Variants in NBAS observed in about 807,000 individuals in gnomAD.
The protein encoded by NBAS is NBAS subunit of NRZ tethering complex.
A neutral mutation model predicts 302.5 loss-of-function variants in NBAS; 219 were observed. The ratio of observed to expected loss-of-function variants is 0.72; its 90% CI spans 0.65 to 0.81. NBAS has a LOEUF of 0.81. Ranked by LOEUF, NBAS falls within the 30% of genes least tolerant of loss-of-function variation. The pLI is 0.00. For missense variants in NBAS, 2,932 were observed against 2,841.6 expected, an observed-to-expected ratio of 1.03 and a Z score of -0.72; for synonymous variants, 1,118 against 1,021.6, an observed-to-expected ratio of 1.09 and a Z score of -1.80.
chr2:15,030,900 A>G, the NBAS span, among the ~76,000 whole-genome samples: 1 of 152,180 alleles, frequency 6.6e-6, no homozygotes, highest in Admixed American at 6.5e-5. Flanking sequence ...CCTCTCATTG[A>G]GAACCACTGC....
the NBAS span, among the ~76,000 whole-genome samples, chr2:15,054,151 C>G: frequency 6.6e-6 from 1 of 152,184 alleles, no homozygotes; most frequent in Non-Finnish European, 1.5e-5. Context: ...GCGACAGCCA[C>G]TCTGTGCTAA....
chr2:14,967,675 CA>C, the NBAS span, among the ~76,000 whole-genome samples: 4 of 152,062 alleles, frequency 2.6e-5, no homozygotes, highest in African/African-American at 9.7e-5. Context: ...GCTACAATAT[CA>C]AAAGCACAAA....
chr2:15,253,527 G>T (rs1668452873), intron 44 of NBAS, among the ~76,000 whole-genome samples: 1 of 152,166 alleles, frequency 6.6e-6, no homozygotes, highest in Non-Finnish European at 1.5e-5. Context: ...TGTGCCACTA[G>T]CACACAAAGC....
chr2:14,925,024 T>A, the NBAS span, among the ~76,000 whole-genome samples: 4 of 152,180 alleles, frequency 2.6e-5, no homozygotes, highest in Admixed American at 2.6e-4. Context: ...GTGACTCAAA[T>A]AAGGTAAGCG....
At chr2:15,296,720 T>G (rs1248942833) in intron 40 of NBAS, among the ~76,000 whole-genome samples, 2 of 152,060 alleles carry the variant, frequency 1.3e-5, no homozygotes, top group African/African-American at 4.8e-5. Context: ...ATGCCTGTAG[T>G]CCTACCTACT....
At chr2:14,870,406 GC>G in the NBAS span, among the ~76,000 whole-genome samples, 1 of 152,332 alleles carries the variant, frequency 6.6e-6, no homozygotes, top group South Asian at 2.1e-4. Context: ...AAAGGAACAT[GC>G]TGAATGATCA....
chr2:15,522,317 T>A (rs1296281179), intron 9 of NBAS, among the ~76,000 whole-genome samples: 1 of 152,140 alleles, frequency 6.6e-6, no homozygotes, highest in Non-Finnish European at 1.5e-5. Context: ...TCAATAAGGC[T>A]TGAAGATCAT....
chr2:15,127,438 G>A, the NBAS span, among the ~76,000 whole-genome samples: 1 of 152,148 alleles, frequency 6.6e-6, no homozygotes, highest in Non-Finnish European at 1.5e-5. Context: ...TAATCTTCTG[G>A]CTTCTTCCCT....
chr2:15,095,188 A>G, the NBAS span, among the ~76,000 whole-genome samples: 1 of 152,114 alleles, frequency 6.6e-6, no homozygotes, highest in African/African-American at 2.4e-5. Flanking sequence ...TTTTTCTCAT[A>G]TAACAGCCCT....
intron 38 of NBAS, among the ~76,000 whole-genome samples, chr2:15,315,939 TC>T (rs1671487899): frequency 2.0e-5 from 3 of 151,948 alleles, no homozygotes; most frequent in South Asian, 2.1e-4. Context: ...AAAGTAGAAA[TC>T]AAAACCCACA....
At chr2:15,002,608 G>A in the NBAS span, among the ~76,000 whole-genome samples, 1 of 152,238 alleles carries the variant, frequency 6.6e-6, no homozygotes, top group African/African-American at 2.4e-5. Flanking sequence ...GGGGAGGCTC[G>A]GGCCGCACAG....
chr2:15,505,046 C>A (rs1157859008), intron 10 of NBAS, among the ~76,000 whole-genome samples: 2 of 152,130 alleles, frequency 1.3e-5, no homozygotes, highest in Admixed American at 1.3e-4. Flanking sequence ...TACACAAAAA[C>A]CATACTCTCC....
At chr2:15,138,218 A>G in the NBAS span, among the ~76,000 whole-genome samples, 1 of 152,204 alleles carries the variant, frequency 6.6e-6, no homozygotes, top group Non-Finnish European at 1.5e-5. Context: ...CAGGAGAAAC[A>G]GCATGGGCTG....
chr2:14,850,938 G>C, the NBAS span, among the ~76,000 whole-genome samples: 8 of 135,092 alleles, frequency 5.9e-5, no homozygotes, highest in African/African-American at 9.8e-5. Flanking sequence ...CAGTGTGTAG[G>C]GGGAAATTTA....
intron 6 of NBAS, 115 bp from the exon 7 acceptor site, chr2:15,539,471 A>T: frequency 2.3e-6 from 3 of 1,280,942 alleles, no homozygotes; most frequent in Non-Finnish European, 3.3e-6. Flanking sequence ...TCATCTCCTA[A>T]GGATCTCTAA....
intron 26 of NBAS, 130 bp from the exon 27 acceptor site, chr2:15,396,605 T>C: frequency 1.7e-6 from 1 of 584,828 alleles, no homozygotes; most frequent in Non-Finnish European, 3.0e-6. Context: ...ATTATCTAAA[T>C]TCATTCAGCA....
At chr2:14,811,583 G>A in the NBAS span, among the ~76,000 whole-genome samples, 3 of 152,164 alleles carry the variant, frequency 2.0e-5, no homozygotes, top group Non-Finnish European at 4.4e-5. Flanking sequence ...GGTCAGGGAT[G>A]CAGCCAAACA....
rs1224650473 is a variant in NBAS at position 15,366,433 on chromosome 2, A to T, written c.3817+147T>A. On this transcript the variant is annotated intron_variant, in intron 32 of 51. Transcript: ENST00000281513. Reference sequence around the variant, plus strand: ...GGCTGAGGCAGGAAGATTTCACTGCACTCCAGCCTGAGCAACAGAGCGAGA... The same window carrying T: ...GGCTGAGGCAGGAAGATTTCACTGCTCTCCAGCCTGAGCAACAGAGCGAGA... 7.9e-6 allele frequency: 6 copies of T among 761,624 alleles called. No individual in the cohort carries two copies. The Admixed American group carries it at 1.2e-4, about 15-fold the overall frequency. 47.2% of individuals were successfully genotyped at this position (761,624 alleles called of 1,614,324 possible).
At chr2:15,336,569 A>G (rs1672595562) in intron 35 of NBAS, among the ~76,000 whole-genome samples, 1 of 152,118 alleles carries the variant, frequency 6.6e-6, no homozygotes, top group South Asian at 2.1e-4. Context: ...CGTCTCTACT[A>G]AAAACACAAA....
Sources: allele counts gnomAD v4.1 joint callset (sites outside exome capture counted in the v4.1 genomes callset), GRCh38; gene constraint gnomAD v4.1.1; transcripts MANE v1.5; gene names NCBI Gene and HGNC (gene_info 2026-07-23, HGNC 2026-07-21).